NIM1K: variants seen among roughly 807,000 people sequenced by gnomAD.
The protein encoded by NIM1K is serine/threonine-protein kinase NIM1.
In NIM1K, 35 loss-of-function variants were observed where a neutral mutation model predicts 37.1. The ratio of observed to expected loss-of-function variants is 0.94; its 90% confidence interval spans 0.72 to 1.25. The LOEUF (loss-of-function observed/expected upper bound fraction) is 1.25, where lower values mean the gene tolerates loss of function less well. NIM1K is among the 50% of genes most tolerant of loss of function. NIM1K has a pLI of 0.00. For synonymous variants in NIM1K, 234 were observed against 206.6 expected (o/e 1.13, Z -1.14); for missense variants, 564 against 548.0 (o/e 1.03, Z -0.29).
In NIM1K at chr5:43,216,601, C is replaced by G. The variant is rs577580403; in HGVS notation, c.-695+24190C>G. ...GGACAAGTCATGTAAACTTTTTGTC[C>G]TTTGTCTCCTAATCCACAAAGTGAG... On this transcript the variant is annotated intron_variant, in intron 1 of 3. Transcript: ENST00000326035. Among the ~76,000 whole-genome samples the G allele has an allele frequency of 2.2e-3, 339 of 152,248 alleles. 3 individuals carry two copies. Among genetic ancestry groups the G allele is most frequent in the African/African-American group, 8.0e-3 (333 of 41,534 alleles).
chr5:43,248,640 C>T (rs556154011), intron 2 of NIM1K, among the ~76,000 whole-genome samples: 2 of 152,140 alleles, frequency 1.3e-5, no homozygotes, highest in South Asian at 4.2e-4. Context: ...GAGACACTTA[C>T]AAGGAATTGG....
chr5:43,265,608 A>T (rs1753134967), intron 2 of NIM1K, among the ~76,000 whole-genome samples: 1 of 152,186 alleles, frequency 6.6e-6, no homozygotes. Context: ...AATTGTCTGG[A>T]GCCTTCTTCT....
At chr5:43,233,163 C>A in intron 1 of NIM1K, 3 of 1,276,900 alleles carry the variant, frequency 2.3e-6, no homozygotes, top group Non-Finnish European at 3.4e-6. Flanking sequence ...GATGGAGATG[C>A]GGTCACGCAT....
At chr5:43,267,250 G>A (rs1753178751) in intron 2 of NIM1K, among the ~76,000 whole-genome samples, 2 of 152,174 alleles carry the variant, frequency 1.3e-5, no homozygotes, top group African/African-American at 4.8e-5. Flanking sequence ...TGTGAATAGA[G>A]ATGTTCATAG....
intron 1 of NIM1K, among the ~76,000 whole-genome samples, chr5:43,242,306 A>T (rs1456367974): frequency 6.6e-6 from 1 of 151,970 alleles, no homozygotes; most frequent in African/African-American, 2.4e-5. Flanking sequence ...AGCTCAGGAT[A>T]TAGACCCCAA....
intron 2 of NIM1K, among the ~76,000 whole-genome samples, chr5:43,256,559 C>T (rs768115760): frequency 6.6e-6 from 1 of 152,164 alleles, no homozygotes; most frequent in East Asian, 1.9e-4. Flanking sequence ...ACAGAGCAGA[C>T]GTTGTGAGTG....
chr5:43,200,872 T>C (rs1752008571), intron 1 of NIM1K, among the ~76,000 whole-genome samples: 1 of 152,146 alleles, frequency 6.6e-6, no homozygotes, highest in African/African-American at 2.4e-5. Context: ...AAGCCTGTAA[T>C]CCCAGCACTT....
chr5:43,233,322 A>C (rs566354814), intron 1 of NIM1K: 14 of 457,992 alleles, frequency 3.1e-5, no homozygotes, highest in South Asian at 1.9e-4. Flanking sequence ...TAAAAAAAAA[A>C]AAAAACTTAA....
At chr5:43,194,899 T>C (rs1189609183) in intron 1 of NIM1K, 1 of 152,186 alleles carries the variant, frequency 6.6e-6, no homozygotes, top group Non-Finnish European at 1.5e-5. Context: ...TTATCATACA[T>C]TTTTAAAAAA....
intron 2 of NIM1K, among the ~76,000 whole-genome samples, chr5:43,276,128 C>A (rs186717852): frequency 1.3e-5 from 2 of 152,118 alleles, no homozygotes; most frequent in Non-Finnish European, 2.9e-5. Flanking sequence ...CTCCCAACCT[C>A]GTGATCCTCC....
chr5:43,256,343 C>T (rs10941615), intron 2 of NIM1K, among the ~76,000 whole-genome samples: 139,125 of 152,134 alleles, frequency 0.91, 64,391 homozygotes, highest in East Asian at 1. Context: ...ATTTAAAAGG[C>T]TAAAGATAGT....
At chr5:43,216,665 C>T (rs1009276565) in intron 1 of NIM1K, among the ~76,000 whole-genome samples, 4 of 152,204 alleles carry the variant, frequency 2.6e-5, no homozygotes, top group Non-Finnish European at 5.9e-5. Flanking sequence ...TCTTCAATTT[C>T]TTGCCTTCCC....
chr5:43,280,028 T>C lies in NIM1K; in HGVS notation c.610T>C (p.Tyr204His), dbSNP rs1188357010. ...HRDLKAENVF[Y>H]TSNTCVKVGD... is the part of the protein sequence containing the mutation. The stretch of plus-strand genomic sequence containing the variant: ...AGATCTGAAAGCAGAAAATGTATTC[T>C]ATACCAGTAATACTTGTGTGAAGGT... Residue 204 changes from tyrosine to histidine, a missense_variant, in exon 4 of 4, where the codon TAT becomes CAT. By Grantham distance (83) the Tyr-to-His change is moderately conservative. Transcript: ENST00000326035. 1 of 1,614,052 alleles carries C rather than the reference T, an allele frequency of 6.2e-7. No individual in the cohort carries two copies. Among genetic ancestry groups the C allele is most frequent in the East Asian group, 2.2e-5 (1 of 44,882 alleles).
At chr5:43,237,295 A>T (rs1752636179) in intron 1 of NIM1K, among the ~76,000 whole-genome samples, 1 of 152,240 alleles carries the variant, frequency 6.6e-6, no homozygotes, top group Non-Finnish European at 1.5e-5. Flanking sequence ...TGAATTACCA[A>T]GTAAGCTCTG....
At chr5:43,232,831 A>T (rs1752562105) in intron 1 of NIM1K, 1 of 1,028,022 alleles carries the variant, frequency 9.7e-7, no homozygotes, top group South Asian at 1.3e-5. Context: ...GAGGTCAGTG[A>T]TCTCCTGGCC....
intron 1 of NIM1K, among the ~76,000 whole-genome samples, chr5:43,233,818 T>C (rs1752578342): frequency 1.3e-5 from 2 of 152,268 alleles, no homozygotes. Flanking sequence ...TAGTTATTTC[T>C]GAGCAGATGA....
intron 1 of NIM1K, among the ~76,000 whole-genome samples, chr5:43,195,881 A>G (rs1751905861): frequency 6.6e-6 from 1 of 152,198 alleles, no homozygotes; most frequent in East Asian, 1.9e-4. Flanking sequence ...AGAAAGTAAA[A>G]GCGAAAACAT....
chr5:43,230,611 C>T (rs1364340433), intron 1 of NIM1K, among the ~76,000 whole-genome samples: 1 of 152,184 alleles, frequency 6.6e-6, no homozygotes, highest in African/African-American at 2.4e-5. Context: ...AAATAGACAC[C>T]TCCCACTCCA....
At chr5:43,211,032 C>T (rs1374473906) in intron 1 of NIM1K, among the ~76,000 whole-genome samples, 1 of 152,088 alleles carries the variant, frequency 6.6e-6, no homozygotes, top group Non-Finnish European at 1.5e-5. Context: ...ATTAGCCAGG[C>T]ATGATGGCAG....
Sources: gnomAD v4.1 joint callset for allele counts (sites outside exome capture counted in the v4.1 genomes callset) on GRCh38, gnomAD v4.1.1 for gene constraint, MANE v1.5 for transcripts, NCBI Gene and HGNC (gene_info 2026-07-23, HGNC 2026-07-21) for gene names.